The following DYM variants were observed in gnomAD, a reference collection of about 807,000 sequenced individuals.
DYM encodes dyggve-Melchior-Clausen syndrome protein.
DYM carries 78 observed loss-of-function variants against 93.1 expected under a neutral mutation model. The ratio of observed to expected loss-of-function variants is 0.84; its 90% CI spans 0.70 to 1.01. The LOEUF is 1.01. Ranked by LOEUF, DYM falls within the 50% of genes least tolerant of loss-of-function variation. The pLI, the probability that DYM is intolerant of heterozygous loss-of-function variation, is 0.00. For missense variants in DYM, 789 were observed against 845.0 expected (o/e 0.93, Z 0.82); for synonymous variants, 321 against 319.7 (o/e 1.00, Z -0.04).
intron 1 of DYM, among the ~76,000 whole-genome samples, chr18:49,443,648 C>G (rs1356474385): frequency 6.6e-6 from 1 of 152,182 alleles, no homozygotes; most frequent in Non-Finnish European, 1.5e-5. Context: ...TGCCCTGCCA[C>G]ACAGCATTCA....
intron 14 of DYM, chr18:49,206,036 T>G (rs1178146257): frequency 1.5e-5 from 2 of 130,130 alleles, no homozygotes; most frequent in East Asian, 2.1e-4. Context: ...TTGCTCTGTG[T>G]CACCCAGGCT....
chr18:49,299,206 A>G (rs539307931), intron 8 of DYM, among the ~76,000 whole-genome samples: 1 of 152,376 alleles, frequency 6.6e-6, no homozygotes, highest in African/African-American at 2.4e-5. Flanking sequence ...TTAGACATAT[A>G]TAACTAGCAC....
chr18:49,282,865 T>C (rs1178019551), intron 9 of DYM, among the ~76,000 whole-genome samples: 2 of 152,188 alleles, frequency 1.3e-5, no homozygotes, highest in African/African-American at 4.8e-5. Context: ...GAAAAAGATA[T>C]AATTTCTACA....
In DYM at chr18:49,048,057, A is replaced by C. The variant is rs564124735; in HGVS notation, c.2026-3853T>G. The C allele has an allele frequency of 2.6e-5, 4 of 152,352 alleles. No homozygotes were observed. In the South Asian group the frequency reaches 8.3e-4, roughly 32 times the overall value. 9.4% of individuals were successfully genotyped at this position (152,352 alleles called of 1,614,324 possible). ...TAAAGCCTGGGTCTGACTGTGTGCA[A>C]AGTTAGTTTGAAAAGTGACATCAGA... On this transcript the variant is annotated intron_variant, in intron 17 of 17. Coordinates refer to ENST00000675505, the MANE Select transcript of DYM (RefSeq NM_001353214.3).
chr18:49,446,437 T>TA (rs1224366543), intron 1 of DYM, among the ~76,000 whole-genome samples: 17 of 152,022 alleles, frequency 1.1e-4, no homozygotes, highest in African/African-American at 4.1e-4. Context: ...TCAAAATAAA[T>TA]AAGAGAGAAT....
At chr18:49,299,960 A>G (rs542964420) in intron 8 of DYM, among the ~76,000 whole-genome samples, 2 of 150,238 alleles carry the variant, frequency 1.3e-5, no homozygotes, top group African/African-American at 2.4e-5. Context: ...GGAGAATGGC[A>G]TAAACCCGGG....
At chr18:49,085,606 C>CTTTTTTT (rs11437833) in intron 17 of DYM, among the ~76,000 whole-genome samples, 1,519 of 102,104 alleles carry the variant, frequency 0.015, 107 homozygotes, top group Non-Finnish European at 0.021. Flanking sequence ...ACAACTGGTC[C>CTTTTTTT]TTTTTTTTTT....
In DYM at chr18:49,202,517, C is replaced by T. The variant is rs573049629; in HGVS notation, c.1625+7034G>A. On this transcript the variant is annotated intron_variant, in intron 14 of 17. Coordinates refer to ENST00000675505, the MANE Select transcript of DYM (RefSeq NM_001353214.3). ...CAGTCTGGAAAGTGAGGAGCGTCTCCGCCCGGCCGCCATCCCATCTAGGAA... is the reference window on the plus strand; with the variant it reads ...CAGTCTGGAAAGTGAGGAGCGTCTCTGCCCGGCCGCCATCCCATCTAGGAA... Among the ~76,000 whole-genome samples the T allele has an allele frequency of 7.9e-4, 106 of 133,814 alleles. No homozygotes were observed. The Middle Eastern group carries it at 0.014, about 18-fold the overall frequency. 87.8% of individuals were successfully genotyped at this position (133,814 alleles called of 152,430 possible).
At chr18:49,425,683 T>A (rs537376610) in intron 2 of DYM, among the ~76,000 whole-genome samples, 1 of 151,976 alleles carries the variant, frequency 6.6e-6, no homozygotes, top group Non-Finnish European at 1.5e-5. Context: ...ACAAAGAACT[T>A]AAACAAATTT....
Position 49,210,579 on chromosome 18 carries a change from G to C in DYM, c.1461-864C>G, listed in dbSNP as rs553183566. On this transcript the variant is annotated intron_variant, in intron 13 of 17. Transcript: ENST00000675505. The stretch of plus-strand genomic sequence containing the variant: ...AGGGATGAATATACAAAGCATAGAG[G>C]ATTTTTAGGACAGTGAAGCTACTGT... Among the ~76,000 whole-genome samples, 11 of 152,260 alleles carry C rather than the reference G, an allele frequency of 7.2e-5. No individual in the cohort carries two copies. The South Asian group carries it at 2.3e-3, about 32-fold the overall frequency.
intron 14 of DYM, among the ~76,000 whole-genome samples, chr18:49,199,970 C>T (rs2091861579): frequency 6.6e-6 from 1 of 150,712 alleles, no homozygotes; most frequent in Non-Finnish European, 1.5e-5. Flanking sequence ...ATTATAAATC[C>T]ATTCAGTTAA....
chr18:49,364,642 C>G (rs916841458), intron 5 of DYM, among the ~76,000 whole-genome samples: 1 of 152,060 alleles, frequency 6.6e-6, no homozygotes, highest in South Asian at 2.1e-4. Flanking sequence ...TAATATATAT[C>G]AGAAAAATTC....
At chr18:49,296,765 G>C (rs979576556) in intron 8 of DYM, among the ~76,000 whole-genome samples, 2 of 151,952 alleles carry the variant, frequency 1.3e-5, no homozygotes, top group African/African-American at 4.8e-5. Flanking sequence ...ATTCTTCAAG[G>C]TCCAAGTCAC....
At chr18:49,380,094 C>CACTT in intron 3 of DYM, among the ~76,000 whole-genome samples, 1 of 152,016 alleles carries the variant, frequency 6.6e-6, no homozygotes, top group Non-Finnish European at 1.5e-5. Context: ...TTTTTAAAAA[C>CACTT]TCAAAAATTG....
chr18:49,268,704 T>C (rs2094614566), intron 11 of DYM, among the ~76,000 whole-genome samples: 1 of 152,216 alleles, frequency 6.6e-6, no homozygotes, highest in Non-Finnish European at 1.5e-5. Flanking sequence ...ATGACACAAA[T>C]ATAGAATGTA....
At chr18:49,102,033 G>A (rs188119769) in intron 16 of DYM, among the ~76,000 whole-genome samples, 3 of 152,288 alleles carry the variant, frequency 2.0e-5, no homozygotes, top group East Asian at 1.9e-4. Flanking sequence ...CTTACCTGGT[G>A]TCGGACTGCT....
rs575830477 is a variant in DYM at position 49,052,730 on chromosome 18, C to T, written c.2026-8526G>A. Among the ~76,000 whole-genome samples, 16 of 152,362 alleles carry T rather than the reference C, an allele frequency of 1.1e-4. No homozygotes were observed. The East Asian group carries it at 3.1e-3, about 29-fold the overall frequency. The stretch of plus-strand genomic sequence containing the variant: ...TCTTCTCTGCCCACATCTTCCCTCC[C>T]TTGGGCTTCTAAGAACCCCTTTGGG... On this transcript the variant is annotated intron_variant, in intron 17 of 17. Coordinates refer to ENST00000675505, the MANE Select transcript of DYM (RefSeq NM_001353214.3).
At position 49,393,107 on chromosome 18, in the gene DYM, A is replaced by AG. The variant is rs2069577689; in HGVS notation, c.141-1463dup. On this transcript the variant is annotated intron_variant, in intron 2 of 17. Transcript: ENST00000675505. ...AGGGAGGGAGGGAAGGAAGGAAGGA[A>AG]GGAAGGAAGGAAGGAAGGAAGGAAG... is the stretch of plus-strand genomic sequence containing the variant. Among the ~76,000 whole-genome samples, 11 of 7,794 alleles carry AG rather than the reference A, an allele frequency of 1.4e-3. 1 individual carries two copies. The highest frequency in any genetic ancestry group is 5.1e-3 in the African/African-American group (7 of 1,384). 5.1% of individuals were successfully genotyped at this position (7,794 alleles called of 152,430 possible).
In DYM at chr18:49,309,936, A is replaced by G. The variant is rs1349643947; in HGVS notation, c.763+21928T>C. 5.3e-4 allele frequency among the ~76,000 whole-genome samples: 80 copies of G among 152,238 alleles called. 3 individuals are homozygous for G. The highest frequency in any genetic ancestry group is 4.9e-3 in the Admixed American group (75 of 15,280). Reference sequence around the variant, plus strand: ...CAGACGGCATGGACCCAGAATTCTTAGCTATCACAGGGACAACATAATGGT... The same window carrying G: ...CAGACGGCATGGACCCAGAATTCTTGGCTATCACAGGGACAACATAATGGT... On this transcript the variant is annotated intron_variant, in intron 8 of 17. Transcript: ENST00000675505.
Sources: allele counts gnomAD v4.1 joint callset (sites outside exome capture counted in the v4.1 genomes callset), GRCh38; gene constraint gnomAD v4.1.1; transcripts MANE v1.5; gene names NCBI Gene and HGNC (gene_info 2026-07-23, HGNC 2026-07-21).